ECI1: variants seen among roughly 807,000 people sequenced by gnomAD.
ECI1 encodes enoyl-CoA delta isomerase 1, mitochondrial.
In ECI1, 34 loss-of-function variants were observed where a neutral mutation model predicts 34.2. The ratio of observed to expected loss-of-function variants is 1.00; its 90% CI spans 0.76 to 1.33. The LOEUF is 1.33. Ranked by LOEUF, ECI1 falls within the 40% of genes most tolerant of loss-of-function variation. The pLI is 0.00. For synonymous variants in ECI1, 211 were observed against 193.0 expected (o/e 1.09, Z -0.77); for missense variants, 456 against 422.2 (o/e 1.08, Z -0.70).
At chr16:2,241,911 G>C (rs1408835170) in intron 6 of ECI1, 1 of 148,734 alleles carries the variant, frequency 6.7e-6, no homozygotes, top group Non-Finnish European at 1.5e-5. Flanking sequence ...TCAGGCTAGA[G>C]TACAGTGGTG....
At chr16:2,240,194 G>T in intron 6 of ECI1, 49 bp from the exon 7 acceptor site, 1 of 1,592,668 alleles carries the variant, frequency 6.3e-7, no homozygotes, top group East Asian at 2.2e-5. Flanking sequence ...AGGGGCAGTG[G>T]GGTGATTCCC....
rs142890068 is a variant in ECI1 at position 2,248,650 on chromosome 16, G to T, written c.167-1664C>A. 1.1e-3 allele frequency among the ~76,000 whole-genome samples: 173 copies of T among 152,142 alleles called. 3 individuals carry two copies. Among genetic ancestry groups the T allele is most frequent in the Admixed American group, 4.8e-3 (74 of 15,266 alleles). Reference sequence around the variant, plus strand: ...GCTGGTCATGAACTTCTGACCTCAGGTGATCCTCCTGCCTCGGCCTCCCAA... The same window carrying T: ...GCTGGTCATGAACTTCTGACCTCAGTTGATCCTCCTGCCTCGGCCTCCCAA... On this transcript the variant is annotated intron_variant, in intron 2 of 6. Transcript: ENST00000301729.
Position 2,239,792 on chromosome 16 carries a change from A to G in ECI1, c.*187T>C. ...CTCCAACTCCCCTTGCCTGACGGGC[A>G]CAGGCACCCATGTGTGTTTGTGTGT... On this transcript the variant is annotated 3_prime_UTR_variant, in exon 7 of 7. Transcript: ENST00000301729. 2 of 652,362 alleles carry G rather than the reference A, an allele frequency of 3.1e-6. No homozygotes were observed. The highest frequency in any genetic ancestry group is 2.8e-5 in the East Asian group (1 of 36,076). The allele number at this position is 652,362 out of a possible 1,614,324, so 40.4% of individuals were successfully genotyped here.
rs1188456516 is a variant in ECI1 at position 2,251,525 on chromosome 16, C to A, written c.42G>T (p.Leu14=). Reference sequence around the variant, plus strand: ...CCCCGGGTTTCGCACCCGCGCGGAGCAGAACGCGCGCCGGGACTCGCACAG... The same window carrying A: ...CCCCGGGTTTCGCACCCGCGCGGAGAAGAACGCGCGCCGGGACTCGCACAG... ...VASVRVPARV[L]LRAGARLPGA... is the part of the protein sequence containing the mutation. The change falls in exon 1 of 7, where the codon CTG becomes CTT. Residue 14 remains leucine (L), a synonymous_variant. Transcript: ENST00000301729. The A allele has an allele frequency of 6.4e-7, 1 of 1,560,634 alleles. No individual in the cohort carries two copies. The highest frequency in any genetic ancestry group is 1.4e-5 in the African/African-American group (1 of 73,518).
chr16:2,240,216 T>C, intron 6 of ECI1, 71 bp from the exon 7 acceptor site: 1 of 1,521,500 alleles, frequency 6.6e-7, no homozygotes. Flanking sequence ...ACTTATTTTT[T>C]ATTTTTATTT....
In ECI1 at chr16:2,240,260, G is replaced by A; in HGVS notation, c.743-115C>T. ...GGAGTCTTGCTCTGTCGCCCAGGCTGGAGTGCAATGGTGGGATCTTGGCTC... is the reference window on the plus strand; with the variant it reads ...GGAGTCTTGCTCTGTCGCCCAGGCTAGAGTGCAATGGTGGGATCTTGGCTC... On this transcript the variant is annotated intron_variant, in intron 6 of 6. Coordinates refer to ENST00000301729, the MANE Select transcript of ECI1 (RefSeq NM_001919.4). 6 of 1,150,056 alleles carry A rather than the reference G, an allele frequency of 5.2e-6. No homozygotes were observed. In the South Asian group the frequency reaches 6.7e-5, roughly 13 times the overall value. 71.2% of individuals were successfully genotyped at this position (1,150,056 alleles called of 1,614,324 possible). A position where few individuals can be genotyped will look rare whatever the true frequency, so the allele number is the denominator to read the frequency against.
chr16:2,243,835 G>A (rs771568564), intron 4 of ECI1, among the ~76,000 whole-genome samples: 2 of 152,160 alleles, frequency 1.3e-5, no homozygotes, highest in African/African-American at 4.8e-5. Flanking sequence ...AGCAGCTAGC[G>A]CAACCAGGAT....
rs1203527579 is a variant in ECI1, at chr16:2,246,886, CTT to C, written c.265_266del (p.Lys89GlufsTer73). The C allele has an allele frequency of 4.3e-6, 7 of 1,613,534 alleles. No individual in the cohort carries two copies. In the Admixed American group the frequency reaches 8.3e-5, roughly 19 times the overall value. Reference sequence around the variant, plus strand: ...AGGTCAGAATGACACCGCGGAAGCTCTTGTCATTCTCCAGCTTCTCCAGGCTG... The same window carrying C: ...AGGTCAGAATGACACCGCGGAAGCTCGTCATTCTCCAGCTTCTCCAGGCTG... ...VISLEKLEND[K>X]SFRGVILTSD... On this transcript the variant is annotated frameshift_variant, in exon 3 of 7. Coordinates refer to ENST00000301729, the MANE Select transcript of ECI1 (RefSeq NM_001919.4). LOFTEE classifies it high-confidence loss of function.
At chr16:2,247,087 G>A (rs956230940) in intron 2 of ECI1, 101 bp from the exon 3 acceptor site, 7 of 1,400,242 alleles carry the variant, frequency 5.0e-6, no homozygotes, top group Non-Finnish European at 5.9e-6. Flanking sequence ...TGCATTTTGG[G>A]GGTTTTATTT....
At chr16:2,241,115 A>C (rs1383792821) in intron 6 of ECI1, 1 of 151,580 alleles carries the variant, frequency 6.6e-6, no homozygotes, top group Non-Finnish European at 1.5e-5. Context: ...AGATCGCACC[A>C]CTGCACTCCA....
In ECI1 at chr16:2,239,879, G is replaced by GA. The variant is rs1329785007; in HGVS notation, c.*99dup. On this transcript the variant is annotated 3_prime_UTR_variant, in exon 7 of 7. Coordinates refer to ENST00000301729, the MANE Select transcript of ECI1 (RefSeq NM_001919.4). ...AACTTCTACGTAACATCAGCAAAAT[G>GA]AAACGCTGGCAGTACTTTTAAGTTG... 3.8e-6 allele frequency: 5 copies of GA among 1,316,440 alleles called. No individual in the cohort carries two copies. The highest frequency in any genetic ancestry group is 4.4e-6 in the Non-Finnish European group (4 of 912,276). 81.5% of individuals were successfully genotyped at this position (1,316,440 alleles called of 1,614,324 possible).
rs753073208 is a variant in ECI1, at chr16:2,244,473, C to A, written c.374G>T (p.Trp125Leu). 6.2e-7 allele frequency: 1 copy of A among 1,611,620 alleles called. No homozygotes were observed. The highest frequency in any genetic ancestry group is 1.7e-5 in the Admixed American group (1 of 59,812). Residue 125 changes from tryptophan (W) to leucine (L), a missense_variant, in exon 4 of 7, where the codon TGG becomes TTG. Coordinates refer to ENST00000301729, the MANE Select transcript of ECI1 (RefSeq NM_001919.4). The stretch of plus-strand genomic sequence containing the variant: ...CAGCCACAGCTCCTGAACGGCCTTC[C>A]AGTACCCAGCGTAGTGGGCGGGGCT... ...GRSPAHYAGYWKAVQELWLRL... is the reference protein window; with the variant it reads ...GRSPAHYAGYLKAVQELWLRL...
chr16:2,247,101 A>T (rs2093542252), intron 2 of ECI1, 115 bp from the exon 3 acceptor site: 12 of 1,305,990 alleles, frequency 9.2e-6, no homozygotes, highest in Admixed American at 4.2e-5. Context: ...TTTATTTATT[A>T]ATTTATTTAT....
At chr16:2,248,008 A>G (rs946962698) in intron 2 of ECI1, among the ~76,000 whole-genome samples, 31 of 152,184 alleles carry the variant, frequency 2.0e-4, no homozygotes, top group African/African-American at 7.2e-4. Flanking sequence ...GGTTTTTTAC[A>G]TTGAAGTAAG....
In ECI1 at chr16:2,246,183, G is replaced by A. The variant is rs138111141; in HGVS notation, c.294+676C>T. ...CCTCGGCGATGTTGGTAATGACACC[G>A]TTCCCACAGATGACACGCCTAGCGT... On this transcript the variant is annotated intron_variant, in intron 3 of 6. Transcript: ENST00000301729. 5.0e-3 allele frequency among the ~76,000 whole-genome samples: 761 copies of A among 152,310 alleles called. 11 individuals are homozygous for A. Among genetic ancestry groups the A allele is most frequent in the Non-Finnish European group, 4.2e-3 (284 of 68,030 alleles).
chr16:2,246,058 G>A (rs1413786997), intron 3 of ECI1, among the ~76,000 whole-genome samples: 1 of 152,120 alleles, frequency 6.6e-6, no homozygotes, highest in Non-Finnish European at 1.5e-5. Context: ...GCCCTGTAAA[G>A]CCACGCCAGC....
At chr16:2,251,101 T>G (rs1567316023) in intron 2 of ECI1, among the ~76,000 whole-genome samples, 1 of 152,266 alleles carries the variant, frequency 6.6e-6, no homozygotes, top group Admixed American at 6.5e-5. Flanking sequence ...ATTACAGGCG[T>G]GAGCCACCGC....
Position 2,243,301 on chromosome 16 carries a change from G to T in ECI1, c.563+17C>A, listed in dbSNP as rs1157450416. 11 of 1,613,526 alleles carry T rather than the reference G, an allele frequency of 6.8e-6. No individual in the cohort carries two copies. The highest frequency in any genetic ancestry group is 9.3e-6 in the Non-Finnish European group (11 of 1,180,020). On this transcript the variant is annotated intron_variant, in intron 5 of 6. Transcript: ENST00000301729. ...TCCACAACAAGCATGGAGCGTGGCT[G>T]CAGCCCAGGGCCTTACCAGAAAGGG... is the stretch of plus-strand genomic sequence containing the variant.
At chr16:2,244,215 G>C in intron 4 of ECI1, 191 bp downstream of exon 4, 1 of 684,054 alleles carries the variant, frequency 1.5e-6, no homozygotes, top group Non-Finnish European at 2.5e-6. Context: ...CCAGGCCAGG[G>C]CCCTCACCCG....
Sources: gnomAD v4.1 joint callset for allele counts (sites outside exome capture counted in the v4.1 genomes callset) on GRCh38, gnomAD v4.1.1 for gene constraint, MANE v1.5 for transcripts, NCBI Gene and HGNC (gene_info 2026-07-23, HGNC 2026-07-21) for gene names.